The following PSME3IP1 variants were observed in gnomAD, a reference collection of about 807,000 sequenced individuals.
PSME3IP1 encodes the protein PSME3-interacting protein.
A neutral mutation model predicts 34.1 loss-of-function variants in PSME3IP1; 13 were observed. That is an observed-to-expected ratio of 0.38 (90% confidence interval 0.25 to 0.61). The LOEUF (loss-of-function observed/expected upper bound fraction) is 0.61, where lower values mean the gene tolerates loss of function less well. Among genes scored for constraint, PSME3IP1 ranks in the 20% least tolerant of loss-of-function variants. The probability of loss-of-function intolerance (pLI) is 0.60; values close to 1 mark genes in which losing one functional copy is unlikely to be tolerated. For missense variants in PSME3IP1, 237 were observed against 301.4 expected (o/e 0.79, Z 1.58); for synonymous variants, 93 against 114.3 (o/e 0.81, Z 1.19).
At position 57,154,557 on chromosome 16, in the gene PSME3IP1, G is replaced by A. The variant is rs1405600041; in HGVS notation, c.548-50C>T. 6.8e-7 allele frequency: 1 copy of A among 1,478,958 alleles called. No homozygotes were observed. Among genetic ancestry groups the A allele is most frequent in the East Asian group, 2.4e-5 (1 of 41,914 alleles). 91.6% of individuals were successfully genotyped at this position (1,478,958 alleles called of 1,614,324 possible). ...CACTTCATCACCCTTTTCCAAAGTT[G>A]GGGACTGACTTACCATGTGCCAGGC... On this transcript the variant is annotated intron_variant, in intron 6 of 6. Transcript: ENST00000309137. This position sits in a 1 kb window ranked among gnomAD's most constrained non-coding sequence, Gnocchi z 4.0.
intron 6 of PSME3IP1, among the ~76,000 whole-genome samples, chr16:57,161,999 G>A (rs2071308487): frequency 6.6e-6 from 1 of 152,104 alleles, no homozygotes; most frequent in African/African-American, 2.4e-5. Flanking sequence ...CTGCCTCCCA[G>A]GTTCAAACGA....
intron 4 of PSME3IP1, 144 bp from the exon 5 acceptor site, chr16:57,167,370 CCAATT>C: frequency 1.1e-6 from 1 of 941,240 alleles, no homozygotes; most frequent in Non-Finnish European, 1.6e-6. Flanking sequence ...TCAAATCCAG[CCAATT>C]CAAAGATAAA....
intron 5 of PSME3IP1, among the ~76,000 whole-genome samples, chr16:57,164,504 C>A (rs1174090527): frequency 2.6e-5 from 4 of 152,144 alleles, no homozygotes; most frequent in African/African-American, 9.7e-5. Context: ...GAATGTATTT[C>A]AATGAAGAAA....
intron 2 of PSME3IP1, 75 bp downstream of exon 2, chr16:57,173,653 G>GT: frequency 1.3e-6 from 2 of 1,542,604 alleles, no homozygotes; most frequent in Non-Finnish European, 8.9e-7. Flanking sequence ...ATAAAACCAA[G>GT]TGAGGACAAT....
chr16:57,174,635 A>G (rs2145852288), intron 1 of PSME3IP1: 1 of 985,436 alleles, frequency 1.0e-6, no homozygotes, highest in Non-Finnish European at 1.2e-6. Flanking sequence ...CTTGCCTCCA[A>G]GTAGATTAAG....
At chr16:57,157,949 G>A (rs1486034170) in intron 6 of PSME3IP1, among the ~76,000 whole-genome samples, 1 of 152,180 alleles carries the variant, frequency 6.6e-6, no homozygotes, top group Non-Finnish European at 1.5e-5. Context: ...TAGAAGATGA[G>A]AGGGGTTGCT....
intron 4 of PSME3IP1, among the ~76,000 whole-genome samples, chr16:57,170,864 C>T (rs915170615): frequency 3.3e-5 from 5 of 152,084 alleles, no homozygotes; most frequent in South Asian, 2.1e-4. Flanking sequence ...CCTGAGGTAA[C>T]GAGTTCGAGA....
intron 5 of PSME3IP1, among the ~76,000 whole-genome samples, chr16:57,165,149 AC>A (rs1330960804): frequency 6.6e-6 from 1 of 151,126 alleles, no homozygotes; most frequent in Non-Finnish European, 1.5e-5. Context: ...CCTCTAAGAC[AC>A]TGTTATATAT....
chr16:57,158,883 A>T (rs2070889529), intron 6 of PSME3IP1, among the ~76,000 whole-genome samples: 1 of 152,220 alleles, frequency 6.6e-6, no homozygotes, highest in Non-Finnish European at 1.5e-5. Context: ...TTACTGTATG[A>T]ATACTGTAGG....
intron 1 of PSME3IP1, among the ~76,000 whole-genome samples, chr16:57,182,898 G>A (rs1355835086): frequency 6.6e-6 from 1 of 152,118 alleles, no homozygotes. Context: ...CGAAGTGGGC[G>A]AGACTCCATC....
intron 5 of PSME3IP1, among the ~76,000 whole-genome samples, chr16:57,165,153 T>TTATATATATATATATA (rs142649591): frequency 7.5e-5 from 11 of 147,598 alleles, no homozygotes; most frequent in African/African-American, 2.5e-4. Flanking sequence ...TAAGACACTG[T>TTATATATATATATATA]TATATATATA....
intron 6 of PSME3IP1, among the ~76,000 whole-genome samples, chr16:57,157,456 G>A (rs2070693619): frequency 6.6e-6 from 1 of 152,168 alleles, no homozygotes; most frequent in South Asian, 2.1e-4. Context: ...CTGGGGCAAA[G>A]TGGCCATGCC....
At position 57,161,702 on chromosome 16, in the gene PSME3IP1, C is replaced by T. The variant is rs148936505; in HGVS notation, c.547+2299G>A. On this transcript the variant is annotated intron_variant, in intron 6 of 6. Coordinates refer to ENST00000309137, the MANE Select transcript of PSME3IP1 (RefSeq NM_024946.4). ...TAATTTTTTGTATTTTTAGTAGAGA[C>T]GGGGTTTCACCGTGTTAGCCAGGAT... is the stretch of plus-strand genomic sequence containing the variant. Among the ~76,000 whole-genome samples the T allele has an allele frequency of 7.7e-4, 117 of 151,834 alleles. 3 individuals are homozygous for T. In the East Asian group the frequency reaches 0.017, roughly 22 times the overall value.
At position 57,165,153 on chromosome 16, in the gene PSME3IP1, T is replaced by TTATATATA. The variant is rs142649591; in HGVS notation, c.483-1096_483-1089dup. 1.2e-3 allele frequency among the ~76,000 whole-genome samples: 174 copies of TTATATATA among 147,666 alleles called. No individual in the cohort carries two copies. The Middle Eastern group carries it at 0.014, about 12-fold the overall frequency. On this transcript the variant is annotated intron_variant, in intron 5 of 6. Coordinates refer to ENST00000309137, the MANE Select transcript of PSME3IP1 (RefSeq NM_024946.4). The stretch of plus-strand genomic sequence containing the variant: ...ATATTTTGCAGCCTCTAAGACACTG[T>TTATATATA]TATATATATATATATATATCATCAT...
intron 6 of PSME3IP1, among the ~76,000 whole-genome samples, chr16:57,158,910 G>A (rs768437149): frequency 6.6e-6 from 1 of 152,164 alleles, no homozygotes; most frequent in Non-Finnish European, 1.5e-5. Context: ...TAATACAATG[G>A]TCAGTATTTG....
At chr16:57,165,409 A>G (rs2071749068) in intron 5 of PSME3IP1, among the ~76,000 whole-genome samples, 2 of 152,206 alleles carry the variant, frequency 1.3e-5, no homozygotes, top group African/African-American at 4.8e-5. Flanking sequence ...AAGACTGCAC[A>G]TTCATGAACT....
At chr16:57,168,740 T>G (rs2072200483) in intron 4 of PSME3IP1, among the ~76,000 whole-genome samples, 2 of 146,204 alleles carry the variant, frequency 1.4e-5, no homozygotes, top group Admixed American at 7.0e-5. Context: ...GAGGCAGAGA[T>G]TGTGGTGAGC....
In PSME3IP1 at chr16:57,154,255, C is replaced by T; in HGVS notation, c.*35G>A. Reference sequence around the variant, plus strand: ...GGCAGCATGAACGGTCCGATCTACCCTTGGGGAGGAGCTCCCTGTGTAGGG... The same window carrying T: ...GGCAGCATGAACGGTCCGATCTACCTTTGGGGAGGAGCTCCCTGTGTAGGG... On this transcript the variant is annotated 3_prime_UTR_variant, in exon 7 of 7. Coordinates refer to ENST00000309137, the MANE Select transcript of PSME3IP1 (RefSeq NM_024946.4). This position sits in a 1 kb window ranked among gnomAD's most constrained non-coding sequence, Gnocchi z 4.0. 6.2e-7 allele frequency: 1 copy of T among 1,601,524 alleles called. No homozygotes were observed. Among genetic ancestry groups the T allele is most frequent in the East Asian group, 2.2e-5 (1 of 44,812 alleles).
chr16:57,159,548 T>C (rs540941302), intron 6 of PSME3IP1, among the ~76,000 whole-genome samples: 3 of 152,228 alleles, frequency 2.0e-5, no homozygotes, highest in East Asian at 3.9e-4. Context: ...ATCAGAGTCA[T>C]AGGGGCCCAA....
Sources: gnomAD v4.1 joint callset for allele counts (sites outside exome capture counted in the v4.1 genomes callset) on GRCh38, gnomAD v4.1.1 for gene constraint, Gnocchi (gnomAD v3.1) non-coding constraint, MANE v1.5 for transcripts, NCBI Gene and HGNC (gene_info 2026-07-23, HGNC 2026-07-21) for gene names.